Variants in CTTNBP2 observed in about 807,000 individuals in gnomAD.
CTTNBP2 encodes the protein cortactin binding protein 2, also known as cortactin-binding protein 2.
Under a neutral mutation model 156.9 loss-of-function variants are expected in CTTNBP2, and 108 were observed. The observed-to-expected ratio is 0.69, with a 90% CI of 0.59 to 0.81. The LOEUF (loss-of-function observed/expected upper bound fraction) is 0.81. Ranked by LOEUF, CTTNBP2 falls within the 30% of genes least tolerant of loss-of-function variation. The pLI is 0.00. For missense variants in CTTNBP2, 1,924 were observed against 2,035.4 expected (o/e 0.95, Z 1.05); for synonymous variants, 767 against 751.8 (o/e 1.02, Z -0.33).
intron 6 of CTTNBP2, among the ~76,000 whole-genome samples, chr7:117,782,052 A>G (rs966426409): frequency 4.6e-5 from 7 of 152,224 alleles, no homozygotes; most frequent in Non-Finnish European, 7.3e-5. Context: ...TTAAAAAATT[A>G]TATTTATGAT....
chr7:117,737,384 C>T (rs543473552), intron 14 of CTTNBP2, among the ~76,000 whole-genome samples: 1 of 152,132 alleles, frequency 6.6e-6, no homozygotes, highest in Non-Finnish European at 1.5e-5. Flanking sequence ...CAGCTTTTCC[C>T]TGATTTGTGT....
intron 12 of CTTNBP2, among the ~76,000 whole-genome samples, chr7:117,746,516 A>G (rs1226645281): frequency 6.6e-6 from 1 of 152,190 alleles, no homozygotes; most frequent in Non-Finnish European, 1.5e-5. Context: ...CATTATGGAA[A>G]TTTTGGTATA....
chr7:117,754,249 C>G (rs1729346734), intron 12 of CTTNBP2, among the ~76,000 whole-genome samples: 1 of 152,192 alleles, frequency 6.6e-6, no homozygotes, highest in Admixed American at 6.5e-5. Flanking sequence ...ACAGTAAGAT[C>G]TTTCCTGATA....
At chr7:117,866,677 G>A (rs1190866006) in intron 1 of CTTNBP2, among the ~76,000 whole-genome samples, 1 of 152,098 alleles carries the variant, frequency 6.6e-6, no homozygotes, top group African/African-American at 2.4e-5. Context: ...GTAAAAATAA[G>A]GATGCTGGAG....
At chr7:117,744,416 CAATT>C (rs1414597347) in intron 14 of CTTNBP2, among the ~76,000 whole-genome samples, 1 of 152,132 alleles carries the variant, frequency 6.6e-6, no homozygotes, top group Non-Finnish European at 1.5e-5. Flanking sequence ...ATCCCTCAAA[CAATT>C]AAGAACCTGT....
At chr7:117,736,149 A>C (rs1562962079) in intron 14 of CTTNBP2, among the ~76,000 whole-genome samples, 1 of 152,180 alleles carries the variant, frequency 6.6e-6, no homozygotes, top group African/African-American at 2.4e-5. Flanking sequence ...CATATGTAAA[A>C]TGTTCATAAG....
At chr7:117,868,909 A>G (rs114361081) in intron 1 of CTTNBP2, among the ~76,000 whole-genome samples, 206 of 152,332 alleles carry the variant, frequency 1.4e-3, no homozygotes, top group African/African-American at 4.7e-3. Context: ...AGCCTTGCCT[A>G]AACTCCTTTT....
At chr7:117,800,558 G>A (rs1799554571) in intron 3 of CTTNBP2, among the ~76,000 whole-genome samples, 1 of 151,956 alleles carries the variant, frequency 6.6e-6, no homozygotes, top group Non-Finnish European at 1.5e-5. Flanking sequence ...TTTTCATTTT[G>A]GCCTTATACA....
chr7:117,753,070 C>T (rs1246581907), intron 12 of CTTNBP2, among the ~76,000 whole-genome samples: 1 of 151,968 alleles, frequency 6.6e-6, no homozygotes, highest in Non-Finnish European at 1.5e-5. Flanking sequence ...TACAAGAAAA[C>T]AAACAAACCC....
At chr7:117,803,578 G>T (rs1466149241) in intron 3 of CTTNBP2, among the ~76,000 whole-genome samples, 1 of 152,058 alleles carries the variant, frequency 6.6e-6, no homozygotes, top group African/African-American at 2.4e-5. Flanking sequence ...GTTTAAAAAT[G>T]AAAAGAAAAG....
At position 117,801,611 on chromosome 7, in the gene CTTNBP2, T is replaced by C. The variant is rs147052164; in HGVS notation, c.415-8830A>G. On this transcript the variant is annotated intron_variant, in intron 3 of 22. Coordinates refer to ENST00000160373, the MANE Select transcript of CTTNBP2 (RefSeq NM_033427.3). ...AATTTCCTCATTTTAAAAAACTGTA[T>C]GGTGATTATGTAAGAGATTGTCCTT... 4.0e-3 allele frequency among the ~76,000 whole-genome samples: 607 copies of C among 152,328 alleles called. 5 individuals are homozygous for C. Among genetic ancestry groups the C allele is most frequent in the African/African-American group, 0.014 (567 of 41,586 alleles).
chr7:117,868,420 C>T (rs1236066047), intron 1 of CTTNBP2, among the ~76,000 whole-genome samples: 1 of 152,220 alleles, frequency 6.6e-6, no homozygotes, highest in Non-Finnish European at 1.5e-5. Context: ...GACTACTCTA[C>T]ATTTACTATA....
rs533183504 is a variant in CTTNBP2, at chr7:117,858,836, G to A, written c.189+2373C>T. Among the ~76,000 whole-genome samples, 114 of 152,104 alleles carry A rather than the reference G, an allele frequency of 7.5e-4. 1 individual carries two copies. Among genetic ancestry groups the A allele is most frequent in the African/African-American group, 2.1e-3 (89 of 41,484 alleles). ...AGGGATTCAACTCCTGTGTATGTGC[G>A]TACTTTTGCTTGCAACTTTACTAAG... On this transcript the variant is annotated intron_variant, in intron 2 of 22. Transcript: ENST00000160373.
Position 117,773,648 on chromosome 7 carries a change from AACACACACACACACACACACAC to A in CTTNBP2, c.2778+3841_2778+3862del, listed in dbSNP as rs71528190. Among the ~76,000 whole-genome samples, 917 of 95,126 alleles carry A rather than the reference AACACACACACACACACACACAC, an allele frequency of 9.6e-3. 15 individuals are homozygous for A. Among genetic ancestry groups the A allele is most frequent in the African/African-American group, 0.036 (855 of 23,842 alleles). The allele number at this position is 95,126 out of a possible 152,430, so 62.4% of individuals were successfully genotyped here. ...TAAAGCTTGGGAGTTGCTTAGAGTT[AACACACACACACACACACACAC>A]ACACACACACACACACACACACACA... On this transcript the variant is annotated intron_variant, in intron 8 of 22. Transcript: ENST00000160373.
intron 16 of CTTNBP2, 86 bp downstream of exon 16, chr7:117,734,827 T>C: frequency 9.6e-7 from 1 of 1,044,860 alleles, no homozygotes. Context: ...GCTGCATAGT[T>C]AGTGAGTGGT....
At chr7:117,857,609 A>G (rs556512745) in intron 2 of CTTNBP2, among the ~76,000 whole-genome samples, 1 of 152,304 alleles carries the variant, frequency 6.6e-6, no homozygotes, top group Non-Finnish European at 1.5e-5. Context: ...AATAAAGTTC[A>G]GTGTACAAAT....
intron 2 of CTTNBP2, among the ~76,000 whole-genome samples, chr7:117,836,207 T>A (rs1801923819): frequency 6.6e-6 from 1 of 152,142 alleles, no homozygotes; most frequent in African/African-American, 2.4e-5. Context: ...ATTAGTAAAT[T>A]GAGAACTGTT....
At chr7:117,842,174 A>G (rs545793905) in intron 2 of CTTNBP2, among the ~76,000 whole-genome samples, 1 of 152,284 alleles carries the variant, frequency 6.6e-6, no homozygotes, top group Admixed American at 6.5e-5. Context: ...TTTCTACTCA[A>G]TTTTTCTATA....
At chr7:117,805,652 T>C (rs565194527) in intron 3 of CTTNBP2, among the ~76,000 whole-genome samples, 2 of 152,320 alleles carry the variant, frequency 1.3e-5, no homozygotes, top group African/African-American at 4.8e-5. Context: ...CCTCCTGTCA[T>C]TATCACCATC....
Sources: gnomAD v4.1 joint callset for allele counts (sites outside exome capture counted in the v4.1 genomes callset) on GRCh38, gnomAD v4.1.1 for gene constraint, MANE v1.5 for transcripts, NCBI Gene and HGNC (gene_info 2026-07-23, HGNC 2026-07-21) for gene names.